Variants in ZNF385B observed in about 807,000 individuals in gnomAD.
ZNF385B encodes zinc finger protein 385B, also known as zinc finger protein 533.
A neutral mutation model predicts 39.2 loss-of-function variants in ZNF385B; 23 were observed. The observed-to-expected ratio is 0.59, with a 90% CI of 0.42 to 0.83. ZNF385B has a LOEUF of 0.83. Ranked by LOEUF, ZNF385B falls within the 40% of genes least tolerant of loss-of-function variation. The pLI is 0.00. For missense variants in ZNF385B, 552 were observed against 598.9 expected (o/e 0.92, Z 0.82); for synonymous variants, 205 against 222.6 (o/e 0.92, Z 0.70).
intron 3 of ZNF385B, among the ~76,000 whole-genome samples, chr2:179,568,553 A>T (rs1325490705): frequency 6.6e-6 from 1 of 152,150 alleles, no homozygotes. Context: ...TATTAGTGTT[A>T]TTTTTTCCCT....
chr2:179,713,739 A>G (rs1010418884), intron 3 of ZNF385B, among the ~76,000 whole-genome samples: 1 of 152,240 alleles, frequency 6.6e-6, no homozygotes, highest in African/African-American at 2.4e-5. Context: ...GAATAAATGC[A>G]TGTTATAAAA....
At position 179,446,594 on chromosome 2, in the gene ZNF385B, T is replaced by G; in HGVS notation, c.892A>C (p.Lys298Gln). Residue 298 changes from lysine (K) to glutamine (Q), a missense_variant, in exon 7 of 10, where the codon AAA becomes CAA. Physicochemically the swap from Lys to Gln is moderately conservative, Grantham distance 53. Coordinates refer to ENST00000410066, the MANE Select transcript of ZNF385B (RefSeq NM_152520.6). Reference sequence around the variant, plus strand: ...TTGCATAGTGAACAATAAAGTAATTTTTTGGCTTTTTCTTCTTCTGATTCA... The same window carrying G: ...TTGCATAGTGAACAATAAAGTAATTGTTTGGCTTTTTCTTCTTCTGATTCA... ...VVESEEEKAK[K>Q]LLYCSLCKVA... 6.2e-7 allele frequency: 1 copy of G among 1,614,114 alleles called. No individual in the cohort carries two copies. The highest frequency in any genetic ancestry group is 2.2e-5 in the East Asian group (1 of 44,870).
At chr2:179,461,725 G>C (rs897771850) in intron 6 of ZNF385B, among the ~76,000 whole-genome samples, 2 of 152,186 alleles carry the variant, frequency 1.3e-5, no homozygotes, top group Admixed American at 1.3e-4. Flanking sequence ...TTGACTTTAA[G>C]AACCAAGAAC....
At chr2:179,713,012 G>A (rs569084428) in intron 3 of ZNF385B, among the ~76,000 whole-genome samples, 5 of 152,236 alleles carry the variant, frequency 3.3e-5, no homozygotes, top group African/African-American at 1.2e-4. Context: ...AGTCAACCAC[G>A]TGATCAGGAG....
At chr2:179,815,583 G>C (rs1480568219) in intron 1 of ZNF385B, among the ~76,000 whole-genome samples, 1 of 152,120 alleles carries the variant, frequency 6.6e-6, no homozygotes, top group East Asian at 1.9e-4. Context: ...CTTTACCAGA[G>C]AACAATTCTT....
chr2:179,752,564 G>T (rs530216416), intron 3 of ZNF385B, among the ~76,000 whole-genome samples: 20 of 152,308 alleles, frequency 1.3e-4, no homozygotes, highest in Non-Finnish European at 2.5e-4. Flanking sequence ...GTGTAAAAGT[G>T]TTCCTGTTTC....
chr2:179,532,149 G>A (rs2059291565), intron 4 of ZNF385B, among the ~76,000 whole-genome samples: 1 of 152,122 alleles, frequency 6.6e-6, no homozygotes, highest in South Asian at 2.1e-4. Context: ...TGACTGCAAG[G>A]AGGCTATGGT....
At chr2:179,829,703 C>T (rs533450289) in intron 1 of ZNF385B, among the ~76,000 whole-genome samples, 22 of 152,104 alleles carry the variant, frequency 1.4e-4, no homozygotes, top group African/African-American at 2.4e-4. Context: ...TTAGTAGAGA[C>T]GGGGTTTCAC....
At chr2:179,829,281 A>G (rs994222862) in intron 1 of ZNF385B, among the ~76,000 whole-genome samples, 11 of 152,214 alleles carry the variant, frequency 7.2e-5, no homozygotes, top group African/African-American at 2.2e-4. Flanking sequence ...AGTGATTAAA[A>G]TATCTTCCTA....
intron 3 of ZNF385B, among the ~76,000 whole-genome samples, chr2:179,707,443 A>T (rs1699691684): frequency 6.6e-6 from 1 of 152,202 alleles, no homozygotes; most frequent in African/African-American, 2.4e-5. Context: ...TGAGAGCAAC[A>T]TCCTCACATC....
At chr2:179,703,770 A>G (rs73046847) in intron 3 of ZNF385B, among the ~76,000 whole-genome samples, 1 of 152,358 alleles carries the variant, frequency 6.6e-6, no homozygotes, top group African/African-American at 2.4e-5. Context: ...CCCACATATA[A>G]CTATTCTCAG....
intron 4 of ZNF385B, among the ~76,000 whole-genome samples, chr2:179,535,964 T>C (rs2059539805): frequency 6.6e-6 from 1 of 152,248 alleles, no homozygotes; most frequent in Non-Finnish European, 1.5e-5. Flanking sequence ...ATCTGCGTTG[T>C]TGGATGGGTT....
At chr2:179,596,213 C>T (rs1001884853) in intron 3 of ZNF385B, among the ~76,000 whole-genome samples, 5 of 152,110 alleles carry the variant, frequency 3.3e-5, no homozygotes, top group Non-Finnish European at 7.4e-5. Context: ...ATGTCACAGG[C>T]GTTGAACAGG....
chr2:179,616,107 G>A lies in ZNF385B; in HGVS notation c.299-71138C>T, dbSNP rs117194714. ...GGATTGTCTGGTTCAAATCCTAGAGGCTTACATATTAGCTGTGTAACTTCC... is the reference window on the plus strand; with the variant it reads ...GGATTGTCTGGTTCAAATCCTAGAGACTTACATATTAGCTGTGTAACTTCC... On this transcript the variant is annotated intron_variant, in intron 3 of 9. Coordinates refer to ENST00000410066, the MANE Select transcript of ZNF385B (RefSeq NM_152520.6). Among the ~76,000 whole-genome samples, 152 of 152,154 alleles carry A rather than the reference G, an allele frequency of 1.0e-3. 3 individuals carry two copies. In the East Asian group the frequency reaches 0.027, roughly 27 times the overall value.
At chr2:179,625,401 T>G (rs1690570457) in intron 3 of ZNF385B, among the ~76,000 whole-genome samples, 1 of 151,816 alleles carries the variant, frequency 6.6e-6, no homozygotes, top group Admixed American at 6.6e-5. Context: ...TAAATACATA[T>G]ATATTTACAT....
chr2:179,736,063 T>A (rs1456072079), intron 3 of ZNF385B, among the ~76,000 whole-genome samples: 1 of 152,074 alleles, frequency 6.6e-6, no homozygotes, highest in Non-Finnish European at 1.5e-5. Flanking sequence ...ATATACCTTA[T>A]TTTATTATTT....
At chr2:179,756,236 T>C (rs1013387938) in intron 3 of ZNF385B, among the ~76,000 whole-genome samples, 1 of 152,202 alleles carries the variant, frequency 6.6e-6, no homozygotes, top group African/African-American at 2.4e-5. Context: ...CCTTCACTTA[T>C]GAAGCTTAGT....
Position 179,555,870 on chromosome 2 carries a change from A to G in ZNF385B, c.299-10901T>C, listed in dbSNP as rs1448357469. 1.3e-5 allele frequency among the ~76,000 whole-genome samples: 2 copies of G among 149,142 alleles called. 1 individual carries two copies. Among genetic ancestry groups the G allele is most frequent in the Non-Finnish European group, 3.0e-5 (2 of 67,610 alleles). On this transcript the variant is annotated intron_variant, in intron 3 of 9. Coordinates refer to ENST00000410066, the MANE Select transcript of ZNF385B (RefSeq NM_152520.6). Reference sequence around the variant, plus strand: ...TAGGGAAGCTCAGGGTTCTCCCTAAAGAGCTCCGACAGCAGCCACCATGGC... The same window carrying G: ...TAGGGAAGCTCAGGGTTCTCCCTAAGGAGCTCCGACAGCAGCCACCATGGC...
chr2:179,691,294 G>C (rs1417981973), intron 3 of ZNF385B, among the ~76,000 whole-genome samples: 74 of 152,024 alleles, frequency 4.9e-4, no homozygotes, highest in Non-Finnish European at 7.4e-5. Context: ...TTATGTTACA[G>C]TGAACATTCT....
Sources: gnomAD v4.1 joint callset for allele counts (sites outside exome capture counted in the v4.1 genomes callset) on GRCh38, gnomAD v4.1.1 for gene constraint, MANE v1.5 for transcripts, NCBI Gene and HGNC (gene_info 2026-07-23, HGNC 2026-07-21) for gene names.